CNTNAP2: variants seen among roughly 807,000 people sequenced by gnomAD.
CNTNAP2 encodes the protein contactin associated protein 2.
A neutral mutation model predicts 155.2 loss-of-function variants in CNTNAP2; 98 were observed. The ratio of observed to expected loss-of-function variants is 0.63; its 90% CI spans 0.54 to 0.75. The LOEUF (loss-of-function observed/expected upper bound fraction) is 0.75. CNTNAP2 is among the 30% of genes least tolerant of loss of function. The probability of loss-of-function intolerance (pLI) is 0.00; values close to 1 mark genes in which losing one functional copy is unlikely to be tolerated. For synonymous variants in CNTNAP2, 651 were observed against 631.2 expected (o/e 1.03, Z -0.47); for missense variants, 1,727 against 1,688.1 (o/e 1.02, Z -0.40).
At chr7:147,069,570 G>T (rs987460208) in intron 4 of CNTNAP2, among the ~76,000 whole-genome samples, 1 of 152,180 alleles carries the variant, frequency 6.6e-6, no homozygotes, top group Non-Finnish European at 1.5e-5. Flanking sequence ...GGGACAGTAA[G>T]AAAGCAGTTG....
chr7:147,137,250 CATG>C (rs928247008), intron 8 of CNTNAP2, among the ~76,000 whole-genome samples: 5 of 150,872 alleles, frequency 3.3e-5, no homozygotes, highest in African/African-American at 1.2e-4. Context: ...AATTTAATAA[CATG>C]GTAAAAAATG....
intron 4 of CNTNAP2, among the ~76,000 whole-genome samples, chr7:147,047,480 A>G (rs957959115): frequency 6.6e-6 from 1 of 151,758 alleles, no homozygotes; most frequent in Non-Finnish European, 1.5e-5. Flanking sequence ...CCATTTATCT[A>G]TCTATTTATA....
chr7:147,597,244 C>T (rs1336445448), intron 12 of CNTNAP2, among the ~76,000 whole-genome samples: 2 of 152,072 alleles, frequency 1.3e-5, no homozygotes, highest in Non-Finnish European at 2.9e-5. Flanking sequence ...GGATTGGGAT[C>T]CCTTTCCAGT....
Position 146,717,011 on chromosome 7 carries a change from A to G in CNTNAP2, c.98-57260A>G, listed in dbSNP as rs573006862. Among the ~76,000 whole-genome samples the G allele has an allele frequency of 6.7e-5, 10 of 149,124 alleles. No homozygotes were observed. In the East Asian group the frequency reaches 1.5e-3, roughly 22 times the overall value. On this transcript the variant is annotated intron_variant, in intron 1 of 23. Transcript: ENST00000361727. Reference sequence around the variant, plus strand: ...GAGGAGAAGTCTGTGGCAAGAGGCAAACAACTCCAAGATTGGTTTCTTAAC... The same window carrying G: ...GAGGAGAAGTCTGTGGCAAGAGGCAGACAACTCCAAGATTGGTTTCTTAAC...
At chr7:147,106,043 A>G (rs1800758900) in intron 4 of CNTNAP2, among the ~76,000 whole-genome samples, 1 of 152,086 alleles carries the variant, frequency 6.6e-6, no homozygotes, top group African/African-American at 2.4e-5. Context: ...CCTAGAACTA[A>G]ATGTGTTTTG....
intron 18 of CNTNAP2, among the ~76,000 whole-genome samples, chr7:148,205,772 A>G (rs905534243): frequency 1.3e-5 from 2 of 152,228 alleles, no homozygotes; most frequent in Admixed American, 6.5e-5. Flanking sequence ...TTAAAAAATC[A>G]TTTAATTCCA....
rs187786492 is a variant in CNTNAP2 at position 147,152,728 on chromosome 7, G to A, written c.1348+20219G>A. On this transcript the variant is annotated intron_variant, in intron 8 of 23. Coordinates refer to ENST00000361727, the MANE Select transcript of CNTNAP2 (RefSeq NM_014141.6). The stretch of plus-strand genomic sequence containing the variant: ...ACCAGTTTAGAATGCCTTCTTATTA[G>A]ACAAATATATACTGTAAACATTGTG... Among the ~76,000 whole-genome samples, 7 of 152,140 alleles carry A rather than the reference G, an allele frequency of 4.6e-5. No individual in the cohort carries two copies. The East Asian group carries it at 1.4e-3, about 29-fold the overall frequency.
intron 3 of CNTNAP2, among the ~76,000 whole-genome samples, chr7:146,987,651 T>C (rs1490195358): frequency 6.6e-6 from 1 of 152,154 alleles, no homozygotes; most frequent in East Asian, 1.9e-4. Context: ...GTTACTGTGA[T>C]GATATTGTCA....
intron 12 of CNTNAP2, among the ~76,000 whole-genome samples, chr7:147,606,578 G>C (rs1035124254): frequency 1.3e-4 from 20 of 152,022 alleles, no homozygotes; most frequent in African/African-American, 4.8e-4. Context: ...AGTATTTATT[G>C]ACCACTAGAG....
intron 8 of CNTNAP2, among the ~76,000 whole-genome samples, chr7:147,137,927 A>AGATAGATG (rs781073268): frequency 1.0e-4 from 15 of 147,044 alleles, no homozygotes; most frequent in South Asian, 4.3e-4. Flanking sequence ...GTAGATAGAT[A>AGATAGATG]AAAAGTATTG....
intron 9 of CNTNAP2, among the ~76,000 whole-genome samples, chr7:147,393,374 G>A (rs1005882712): frequency 1.3e-5 from 2 of 151,228 alleles, no homozygotes; most frequent in African/African-American, 4.9e-5. Flanking sequence ...GTAGTAATCG[G>A]TATTTATGCA....
At chr7:146,479,788 ATT>A (rs1300195835) in intron 1 of CNTNAP2, among the ~76,000 whole-genome samples, 2 of 151,958 alleles carry the variant, frequency 1.3e-5, no homozygotes, top group South Asian at 4.2e-4. Context: ...TATTTATTTT[ATT>A]TTTTATTTTT....
chr7:148,283,254 A>G (rs13227745), intron 21 of CNTNAP2, among the ~76,000 whole-genome samples: 10 of 64,040 alleles, frequency 1.6e-4, no homozygotes, highest in Non-Finnish European at 2.6e-4. Context: ...AAAAAAAAAA[A>G]AAAAGAAAGA....
chr7:148,068,929 C>A (rs1036703695), intron 15 of CNTNAP2, among the ~76,000 whole-genome samples: 1 of 152,190 alleles, frequency 6.6e-6, no homozygotes, highest in Admixed American at 6.5e-5. Context: ...CAGCTCTCTC[C>A]TGTCTGGTAT....
chr7:146,595,874 A>C (rs559279073), intron 1 of CNTNAP2, among the ~76,000 whole-genome samples: 82 of 152,130 alleles, frequency 5.4e-4, no homozygotes, highest in African/African-American at 1.7e-3. Context: ...TTAGTGTTCT[A>C]TTTGATGTTG....
chr7:148,394,249 GC>G (rs1799416416), intron 22 of CNTNAP2, among the ~76,000 whole-genome samples: 1 of 151,934 alleles, frequency 6.6e-6, no homozygotes, highest in Non-Finnish European at 1.5e-5. Context: ...TTCCCAAATG[GC>G]CCACTGTTCC....
intron 1 of CNTNAP2, among the ~76,000 whole-genome samples, chr7:146,355,221 A>T (rs538238908): frequency 5.3e-5 from 8 of 152,342 alleles, no homozygotes; most frequent in African/African-American, 1.9e-4. Flanking sequence ...CTTTAACAAG[A>T]TGATAATTTA....
intron 1 of CNTNAP2, among the ~76,000 whole-genome samples, chr7:146,511,492 C>G (rs1797465548): frequency 6.6e-6 from 1 of 152,074 alleles, no homozygotes; most frequent in South Asian, 2.1e-4. Context: ...AGCTTTTATC[C>G]TGAAAGGGTG....
intron 1 of CNTNAP2, among the ~76,000 whole-genome samples, chr7:146,717,065 A>G (rs544464243): frequency 6.6e-6 from 1 of 152,020 alleles, no homozygotes; most frequent in South Asian, 2.1e-4. Context: ...CGTTTATCCC[A>G]TAAGCAGACC....
Sources: gnomAD v4.1 joint callset for allele counts (sites outside exome capture counted in the v4.1 genomes callset) on GRCh38, gnomAD v4.1.1 for gene constraint, MANE v1.5 for transcripts, NCBI Gene and HGNC (gene_info 2026-07-23, HGNC 2026-07-21) for gene names.